JAKMIP2: variants seen among roughly 807,000 people sequenced by gnomAD.
JAKMIP2 encodes janus kinase and microtubule-interacting protein 2.
In JAKMIP2, 25 loss-of-function variants were observed where a neutral mutation model predicts 115.0. That is an observed-to-expected ratio of 0.22 (90% CI 0.16 to 0.30). The LOEUF is 0.30. Ranked by LOEUF, JAKMIP2 falls within the 10% of genes least tolerant of loss-of-function variation. JAKMIP2 has a pLI of 1.00. For missense variants in JAKMIP2, 642 were observed against 957.6 expected (o/e 0.67, Z 4.35); for synonymous variants, 334 against 343.6 (o/e 0.97, Z 0.31).
Position 147,747,539 on chromosome 5 carries a change from C to T in JAKMIP2, c.-149+34917G>A, listed in dbSNP as rs138149652. Among the ~76,000 whole-genome samples the T allele has an allele frequency of 1.3e-3, 193 of 152,148 alleles. 5 individuals carry two copies. In the East Asian group the frequency reaches 0.023, roughly 18 times the overall value. On this transcript the variant is annotated intron_variant, in intron 1 of 21. Transcript: ENST00000616793. Reference sequence around the variant, plus strand: ...AGGGCCACTTGGTCTACCTCAGGACCCCATTATAAGTCACATAAACAAATT... The same window carrying T: ...AGGGCCACTTGGTCTACCTCAGGACTCCATTATAAGTCACATAAACAAATT...
intron 1 of JAKMIP2, among the ~76,000 whole-genome samples, chr5:147,714,046 C>T (rs756054138): frequency 1.2e-4 from 18 of 152,114 alleles, no homozygotes; most frequent in East Asian, 1.9e-4. Flanking sequence ...CAAATAACTT[C>T]TACTAGCAAT....
At chr5:147,662,821 T>C (rs957446146) in intron 2 of JAKMIP2, among the ~76,000 whole-genome samples, 3 of 151,778 alleles carry the variant, frequency 2.0e-5, no homozygotes, top group Non-Finnish European at 2.9e-5. Context: ...CCCGTCTCTA[T>C]TAAAAATACA....
chr5:147,604,804 TTATTATTATTA>T, intron 20 of JAKMIP2, among the ~76,000 whole-genome samples: 1 of 3,326 alleles, frequency 3.0e-4, no homozygotes, highest in Admixed American at 0.012. Context: ...AGACATTTTA[TTATTATTATTA>T]TTATTATTAT....
At chr5:147,612,103 A>G (rs1286521466) in intron 20 of JAKMIP2, 1 of 721,578 alleles carries the variant, frequency 1.4e-6, no homozygotes, top group Non-Finnish European at 2.6e-6. Context: ...ACAAAAGACA[A>G]ATATGTGAAG....
chr5:147,608,159 G>A (rs777814725), intron 20 of JAKMIP2, among the ~76,000 whole-genome samples: 1 of 151,838 alleles, frequency 6.6e-6, no homozygotes, highest in Admixed American at 6.6e-5. Context: ...AGGGTTTTTC[G>A]TGTCTCTATC....
intron 1 of JAKMIP2, among the ~76,000 whole-genome samples, chr5:147,712,343 T>C (rs1299500969): frequency 2.6e-5 from 4 of 152,234 alleles, no homozygotes; most frequent in Non-Finnish European, 4.4e-5. Context: ...TTACCCTCTC[T>C]AAATCTCAGT....
rs572202242 is a variant in JAKMIP2, at chr5:147,695,650, C to CTGTGTGTGTGTG, written c.-148-23708_-148-23697dup. 6.2e-3 allele frequency among the ~76,000 whole-genome samples: 884 copies of CTGTGTGTGTGTG among 142,974 alleles called. 8 individuals are homozygous for CTGTGTGTGTGTG. The highest frequency in any genetic ancestry group is 0.021 in the African/African-American group (801 of 38,460). 93.8% of individuals were successfully genotyped at this position (142,974 alleles called of 152,430 possible). On this transcript the variant is annotated intron_variant, in intron 1 of 21. Coordinates refer to ENST00000616793, the MANE Select transcript of JAKMIP2 (RefSeq NM_001270941.2). ...CTCTATTGTTACGGAAGTGAAAGGT[C>CTGTGTGTGTGTG]TGTGTGTGTGTGTGTGTGTGTGTGT...
At chr5:147,698,946 G>T (rs1752216228) in intron 1 of JAKMIP2, among the ~76,000 whole-genome samples, 1 of 152,132 alleles carries the variant, frequency 6.6e-6, no homozygotes, top group Non-Finnish European at 1.5e-5. Context: ...GCTCTGAAAG[G>T]CTCTTCACAG....
intron 1 of JAKMIP2, among the ~76,000 whole-genome samples, chr5:147,724,269 G>A (rs1425350790): frequency 6.6e-6 from 1 of 152,132 alleles, no homozygotes; most frequent in East Asian, 1.9e-4. Context: ...GGTGCCATAT[G>A]CTTACAAATG....
intron 1 of JAKMIP2, among the ~76,000 whole-genome samples, chr5:147,679,556 A>G (rs1027018239): frequency 2.0e-5 from 3 of 152,250 alleles, no homozygotes; most frequent in African/African-American, 7.2e-5. Context: ...TGAAGACTTC[A>G]TAAAAAGGAT....
At chr5:147,696,580 T>C (rs1471234010) in intron 1 of JAKMIP2, among the ~76,000 whole-genome samples, 2 of 152,120 alleles carry the variant, frequency 1.3e-5, no homozygotes, top group Non-Finnish European at 2.9e-5. Context: ...ATACAGTAAA[T>C]TGGTACTGCA....
chr5:147,748,538 C>G (rs1754436448), intron 1 of JAKMIP2, among the ~76,000 whole-genome samples: 1 of 152,152 alleles, frequency 6.6e-6, no homozygotes, highest in South Asian at 2.1e-4. Context: ...CATAGATAAG[C>G]AAGCTGGAAG....
chr5:147,636,085 G>A (rs970968490), intron 12 of JAKMIP2, 137 bp downstream of exon 12: 7 of 646,074 alleles, frequency 1.1e-5, no homozygotes, highest in Admixed American at 8.4e-5. Context: ...GGTTGAGCAC[G>A]CAGCCGAGGA....
At chr5:147,608,517 G>T (rs900065631) in intron 20 of JAKMIP2, among the ~76,000 whole-genome samples, 5 of 152,198 alleles carry the variant, frequency 3.3e-5, no homozygotes, top group African/African-American at 1.2e-4. Context: ...GTTCTAATTT[G>T]ATTGCACTGT....
At position 147,587,339 on chromosome 5, in the gene JAKMIP2, A is replaced by C. The variant is rs1466152262; in HGVS notation, c.*4368T>G. The C allele has an allele frequency of 2.0e-5, 3 of 152,196 alleles. No individual in the cohort carries two copies. Among genetic ancestry groups the C allele is most frequent in the African/African-American group, 7.2e-5 (3 of 41,460 alleles). 9.4% of individuals were successfully genotyped at this position (152,196 alleles called of 1,614,324 possible). A position where few individuals can be genotyped will look rare whatever the true frequency, so the allele number is the denominator to read the frequency against. On this transcript the variant is annotated 3_prime_UTR_variant, in exon 22 of 22. Coordinates refer to ENST00000616793, the MANE Select transcript of JAKMIP2 (RefSeq NM_001270941.2). The stretch of plus-strand genomic sequence containing the variant: ...TGCCAAAAGCTGTCATTAATTACCA[A>C]AACACTGTTATGAAAATTTCACAAA...
intron 1 of JAKMIP2, among the ~76,000 whole-genome samples, chr5:147,737,551 C>A (rs1753973141): frequency 6.6e-6 from 1 of 152,234 alleles, no homozygotes; most frequent in East Asian, 1.9e-4. Flanking sequence ...CTGTGACAGA[C>A]CTCCAGGTTT....
intron 2 of JAKMIP2, among the ~76,000 whole-genome samples, chr5:147,663,113 G>T (rs145294696): frequency 6.6e-6 from 1 of 152,242 alleles, no homozygotes; most frequent in Non-Finnish European, 1.5e-5. Context: ...TAATAGTTAA[G>T]AACCTTTCCA....
rs140759535 is a variant in JAKMIP2 at position 147,760,365 on chromosome 5, A to G, written c.-149+22091T>C. 4.3e-3 allele frequency among the ~76,000 whole-genome samples: 654 copies of G among 150,734 alleles called. 12 individuals are homozygous for G. The highest frequency in any genetic ancestry group is 0.015 in the African/African-American group (619 of 41,014). The stretch of plus-strand genomic sequence containing the variant: ...CCTTGGTAAACCCAAATGTTTAGAG[A>G]TGGAAAGCAGAAGAGGGACAAGAGA... On this transcript the variant is annotated intron_variant, in intron 1 of 21. Transcript: ENST00000616793.
At chr5:147,763,026 C>G (rs1754985233) in intron 1 of JAKMIP2, among the ~76,000 whole-genome samples, 1 of 152,034 alleles carries the variant, frequency 6.6e-6, no homozygotes, top group East Asian at 1.9e-4. Context: ...GTAGAATTCT[C>G]TAACCCGGAG....
Sources: gnomAD v4.1 joint callset for allele counts (sites outside exome capture counted in the v4.1 genomes callset) on GRCh38, gnomAD v4.1.1 for gene constraint, MANE v1.5 for transcripts, NCBI Gene and HGNC (gene_info 2026-07-23, HGNC 2026-07-21) for gene names.